Variants in GRID2 observed in about 807,000 individuals in gnomAD.
GRID2 encodes glutamate ionotropic receptor delta type subunit 2, also known as glutamate receptor ionotropic, delta-2.
In GRID2, 33 loss-of-function variants were observed where a neutral mutation model predicts 114.8. The observed-to-expected ratio is 0.29, with a 90% CI of 0.22 to 0.38. The LOEUF is 0.38. Among genes scored for constraint, GRID2 ranks in the 10% least tolerant of loss-of-function variants. The probability of loss-of-function intolerance (pLI) is 1.00; values close to 1 mark genes in which losing one functional copy is unlikely to be tolerated. For synonymous variants in GRID2, 505 were observed against 449.9 expected (o/e 1.12, Z -1.55); for missense variants, 1,184 against 1,257.7 (o/e 0.94, Z 0.89).
chr4:93,264,286 G>A (rs1750561662), intron 8 of GRID2, among the ~76,000 whole-genome samples: 1 of 152,072 alleles, frequency 6.6e-6, no homozygotes, highest in Non-Finnish European at 1.5e-5. Context: ...TAATTTATAA[G>A]CAAAGGAATG....
intron 4 of GRID2, among the ~76,000 whole-genome samples, chr4:93,131,364 G>C (rs1432554211): frequency 2.0e-5 from 3 of 151,380 alleles, no homozygotes; most frequent in Admixed American, 6.6e-5. Flanking sequence ...ATTTTGGCCA[G>C]GATGGTCTCG....
At chr4:93,434,389 T>A (rs1278133937) in intron 10 of GRID2, among the ~76,000 whole-genome samples, 1 of 152,140 alleles carries the variant, frequency 6.6e-6, no homozygotes. Context: ...ACATGGCACA[T>A]GTATACATAT....
intron 12 of GRID2, among the ~76,000 whole-genome samples, chr4:93,509,406 C>T (rs909252884): frequency 5.3e-5 from 8 of 152,018 alleles, no homozygotes; most frequent in South Asian, 2.1e-4. Flanking sequence ...AACAAGGATA[C>T]GGCAATTCCA....
chr4:92,769,504 C>A (rs1328425561), intron 2 of GRID2, among the ~76,000 whole-genome samples: 2 of 152,192 alleles, frequency 1.3e-5, no homozygotes, highest in Non-Finnish European at 2.9e-5. Context: ...GGGGCTCCAA[C>A]CTCACATTTC....
intron 2 of GRID2, among the ~76,000 whole-genome samples, chr4:92,802,518 A>G (rs1740223333): frequency 6.6e-6 from 1 of 151,822 alleles, no homozygotes; most frequent in Admixed American, 6.6e-5. Context: ...TATCTAGTAT[A>G]TATCATAATC....
At chr4:92,420,915 C>A (rs1408782108) in intron 1 of GRID2, among the ~76,000 whole-genome samples, 33 of 152,068 alleles carry the variant, frequency 2.2e-4, no homozygotes, top group Admixed American at 2.1e-3. Flanking sequence ...AAACTCCTAG[C>A]CTCAAGTGAT....
chr4:92,411,214 G>C (rs1028573325), intron 1 of GRID2, among the ~76,000 whole-genome samples: 69 of 152,204 alleles, frequency 4.5e-4, no homozygotes, highest in Admixed American at 4.3e-3. Flanking sequence ...ATTTATGTAC[G>C]TGAACTGCTT....
At chr4:93,538,959 C>T (rs372570930) in intron 13 of GRID2, among the ~76,000 whole-genome samples, 1 of 151,640 alleles carries the variant, frequency 6.6e-6, no homozygotes, top group Admixed American at 6.6e-5. Context: ...GATGGTTTCT[C>T]AGTTTTTACA....
At chr4:93,260,000 T>C (rs763519468) in intron 8 of GRID2, among the ~76,000 whole-genome samples, 1 of 151,774 alleles carries the variant, frequency 6.6e-6, no homozygotes, top group Non-Finnish European at 1.5e-5. Context: ...TTAGTTTTCA[T>C]GGGAAGACTT....
chr4:93,552,728 C>T (rs973055413), intron 13 of GRID2, among the ~76,000 whole-genome samples: 4 of 152,148 alleles, frequency 2.6e-5, no homozygotes, highest in Non-Finnish European at 5.9e-5. Context: ...TGGTTTGCGG[C>T]ACCCATCAAC....
At chr4:93,239,745 T>C (rs1486182550) in intron 8 of GRID2, among the ~76,000 whole-genome samples, 1 of 151,586 alleles carries the variant, frequency 6.6e-6, no homozygotes, top group East Asian at 1.9e-4. Context: ...CCCATATGCT[T>C]CTCTCTGATT....
intron 10 of GRID2, among the ~76,000 whole-genome samples, chr4:93,447,531 C>A (rs1722203319): frequency 6.6e-6 from 1 of 151,844 alleles, no homozygotes; most frequent in South Asian, 2.1e-4. Context: ...ACAGTAAGTA[C>A]AACTTTATCG....
At chr4:92,884,853 A>G (rs1746262680) in intron 2 of GRID2, 1 of 388,800 alleles carries the variant, frequency 2.6e-6, no homozygotes, top group Non-Finnish European at 5.3e-6. Context: ...ATTACTAAGT[A>G]TGTCCATACA....
At chr4:92,435,709 T>A (rs1732705584) in intron 1 of GRID2, among the ~76,000 whole-genome samples, 1 of 152,216 alleles carries the variant, frequency 6.6e-6, no homozygotes, top group Non-Finnish European at 1.5e-5. Context: ...AGAAGAGTAC[T>A]AGGGTCCATG....
chr4:93,353,815 A>G (rs1318718847), intron 8 of GRID2, among the ~76,000 whole-genome samples: 1 of 152,040 alleles, frequency 6.6e-6, no homozygotes, highest in Non-Finnish European at 1.5e-5. Context: ...GGAAAGCAGT[A>G]GGCACTATTT....
At chr4:92,979,469 T>G (rs1323043824) in intron 2 of GRID2, among the ~76,000 whole-genome samples, 1 of 152,104 alleles carries the variant, frequency 6.6e-6, no homozygotes, top group African/African-American at 2.4e-5. Context: ...AGGTCGTTTT[T>G]CAGGCCTATG....
At position 92,304,365 on chromosome 4, in the gene GRID2, A is replaced by T. The variant is rs915927707; in HGVS notation, c.-292A>T. The T allele has an allele frequency of 2.0e-5, 9 of 439,652 alleles. No individual in the cohort carries two copies. Among genetic ancestry groups the T allele is most frequent in the African/African-American group, 1.8e-4 (9 of 49,466 alleles). 27.2% of individuals were successfully genotyped at this position (439,652 alleles called of 1,614,324 possible). The stretch of plus-strand genomic sequence containing the variant: ...CCAGCCTCTCCCCCTGCCCAAGAGC[A>T]GTAGAGGCTGGATATATTTTTCAAA... On this transcript the variant is annotated 5_prime_UTR_variant, in exon 1 of 16. Coordinates refer to ENST00000282020, the MANE Select transcript of GRID2 (RefSeq NM_001510.4).
At chr4:93,349,589 A>G (rs1037617240) in intron 8 of GRID2, among the ~76,000 whole-genome samples, 1 of 152,080 alleles carries the variant, frequency 6.6e-6, no homozygotes, top group African/African-American at 2.4e-5. Context: ...AAAATTTTAA[A>G]AATGGAAGAG....
intron 1 of GRID2, among the ~76,000 whole-genome samples, chr4:92,420,106 C>T (rs1199555687): frequency 6.6e-6 from 1 of 152,014 alleles, no homozygotes; most frequent in Non-Finnish European, 1.5e-5. Context: ...AAATTGGTTT[C>T]ACAAAATGTA....
Sources: gnomAD v4.1 joint callset for allele counts (sites outside exome capture counted in the v4.1 genomes callset) on GRCh38, gnomAD v4.1.1 for gene constraint, MANE v1.5 for transcripts, NCBI Gene and HGNC (gene_info 2026-07-23, HGNC 2026-07-21) for gene names.